The following MXRA8 variants were observed in gnomAD, a reference collection of about 807,000 sequenced individuals.
The protein encoded by MXRA8 is matrix remodeling-associated protein 8.
In MXRA8, 44 loss-of-function variants were observed where a neutral mutation model predicts 51.4. The observed-to-expected ratio is 0.86, with a 90% CI of 0.67 to 1.10. MXRA8 has a LOEUF of 1.10. Among genes scored for constraint, MXRA8 ranks in the 50% least tolerant of loss-of-function variants. The pLI is 0.00. For synonymous variants in MXRA8, 369 were observed against 293.5 expected (o/e 1.26, Z -2.63); for missense variants, 765 against 638.9 (o/e 1.20, Z -2.13).
Position 1,355,914 on chromosome 1 carries a change from G to A in MXRA8, c.74-162C>T, listed in dbSNP as rs541156351. On this transcript the variant is annotated intron_variant, in intron 2 of 9. Coordinates refer to ENST00000309212, the MANE Select transcript of MXRA8 (RefSeq NM_032348.4). ...GGTGGAGGGGAAGTCCGTGGGGTGG[G>A]GCAGACCCCCGAGGGCCTGGATAGG... 1.2e-4 allele frequency among the ~76,000 whole-genome samples: 15 copies of A among 128,336 alleles called. 1 individual carries two copies. The highest frequency in any genetic ancestry group is 3.9e-4 in the African/African-American group (13 of 33,488). 84.2% of individuals were successfully genotyped at this position (128,336 alleles called of 152,430 possible). A position where few individuals can be genotyped will look rare whatever the true frequency, so the allele number is the denominator to read the frequency against.
At chr1:1,354,620 G>C (rs1054314531) in intron 5 of MXRA8, 62 bp downstream of exon 5, 1 of 1,542,454 alleles carries the variant, frequency 6.5e-7, no homozygotes, top group Non-Finnish European at 8.7e-7. Flanking sequence ...GACAGCGGGC[G>C]CAGAGCAACC....
In MXRA8 at chr1:1,353,513, G is replaced by T. The variant is rs1162592056; in HGVS notation, c.*91C>A. 3 of 1,512,740 alleles carry T rather than the reference G, an allele frequency of 2.0e-6. No individual in the cohort carries two copies. Among genetic ancestry groups the T allele is most frequent in the South Asian group, 1.3e-5 (1 of 79,698 alleles). The allele number at this position is 1,512,740 out of a possible 1,614,324, so 93.7% of individuals were successfully genotyped here. On this transcript the variant is annotated 3_prime_UTR_variant, in exon 10 of 10. Coordinates refer to ENST00000309212, the MANE Select transcript of MXRA8 (RefSeq NM_032348.4). ...AGGAAAGCGGGACCAGCCGCTGGAA[G>T]GGGGGTGAGCCCCGGAGCATCAGGA...
chr1:1,352,843 CTA>C lies in MXRA8; in HGVS notation c.*759_*760del, dbSNP rs1350529403. ...ACAGAAGCCAAATGTAGCCCCAGCC[CTA>C]GACTCCAGCCCAGGCAGAGTCCAAG... On this transcript the variant is annotated 3_prime_UTR_variant, in exon 10 of 10. Transcript: ENST00000309212. 37 of 246,162 alleles carry C rather than the reference CTA, an allele frequency of 1.5e-4. No individual in the cohort carries two copies. The highest frequency in any genetic ancestry group is 4.0e-4 in the South Asian group (9 of 22,648). 15.2% of individuals were successfully genotyped at this position (246,162 alleles called of 1,614,324 possible).
chr1:1,355,562 C>T lies in MXRA8; in HGVS notation c.264G>A (p.Leu88=). The T allele has an allele frequency of 1.3e-6, 2 of 1,482,632 alleles. No individual in the cohort carries two copies. The highest frequency in any genetic ancestry group is 1.8e-6 in the Non-Finnish European group (2 of 1,124,486). 91.8% of individuals were successfully genotyped at this position (1,482,632 alleles called of 1,614,324 possible). The change falls in exon 3 of 10, where the codon CTG becomes CTA. Residue 88 remains leucine (L), a synonymous_variant. Transcript: ENST00000309212. Reference sequence around the variant, plus strand: ...GCTCGCCCGCCGAGTACAAGTCCAGCAGGCGCCGCGCGGGGCCACCCCCGG... The same window carrying T: ...GCTCGCCCGCCGAGTACAAGTCCAGTAGGCGCCGCGCGGGGCCACCCCCGG... ...RGPGGGPARR[L]LDLYSAGEQR... is the part of the protein sequence containing the mutation.
At chr1:1,355,205 CGAGGGGCGGGAGCT>C (rs766880423) in intron 4 of MXRA8, 25 bp downstream of exon 4, 35 of 1,007,642 alleles carry the variant, frequency 3.5e-5, no homozygotes, top group Non-Finnish European at 4.0e-5. Context: ...GGTCGAGGGT[CGAGGGGCGGGAGCT>C]GGGGGGCGGG....
At position 1,353,149 on chromosome 1, in the gene MXRA8, A is replaced by G. The variant is rs1479010184; in HGVS notation, c.*455T>C. On this transcript the variant is annotated 3_prime_UTR_variant, in exon 10 of 10. Coordinates refer to ENST00000309212, the MANE Select transcript of MXRA8 (RefSeq NM_032348.4). ...TCCTGCCGAGGCTGACCCCAACTTCAAGGCTGCCAAGTTCTGATGGGAGTG... is the reference window on the plus strand; with the variant it reads ...TCCTGCCGAGGCTGACCCCAACTTCGAGGCTGCCAAGTTCTGATGGGAGTG... The G allele has an allele frequency of 1.1e-6, 1 of 897,298 alleles. No homozygotes were observed. The highest frequency in any genetic ancestry group is 1.7e-5 in the African/African-American group (1 of 59,704). 55.6% of individuals were successfully genotyped at this position (897,298 alleles called of 1,614,324 possible).
intron 1 of MXRA8, 71 bp downstream of exon 1, chr1:1,358,385 G>A (rs1644174690): frequency 4.0e-6 from 6 of 1,518,168 alleles, no homozygotes; most frequent in Non-Finnish European, 5.4e-6. Context: ...CAGATGGGCG[G>A]TTTTGTCCGA....
Position 1,354,390 on chromosome 1 carries a change from CCAGTAG to C in MXRA8, c.1063_1068del (p.Leu355_Leu356del), listed in dbSNP as rs1557681494. 6.2e-7 allele frequency: 1 copy of C among 1,612,282 alleles called. No individual in the cohort carries two copies. Among genetic ancestry groups the C allele is most frequent in the Non-Finnish European group, 8.5e-7 (1 of 1,179,818 alleles). ...CTGCGGGCGGCCAGGAGGACAGTGA[CCAGTAG>C]CAGGATGAAGAGCAGCAGCGTGGCC... On this transcript the variant is annotated inframe_deletion, in exon 6 of 10. Coordinates refer to ENST00000309212, the MANE Select transcript of MXRA8 (RefSeq NM_032348.4).
upstream of MXRA8, chr1:1,358,786 C>G (rs925711698): frequency 5.0e-6 from 6 of 1,200,456 alleles, no homozygotes; most frequent in Non-Finnish European, 6.3e-6. Flanking sequence ...CAAGAAGGTC[C>G]GAGGACATGG....
At chr1:1,353,990 G>A (rs773460050) in intron 8 of MXRA8, 40 bp downstream of exon 8, 35 of 1,246,824 alleles carry the variant, frequency 2.8e-5, no homozygotes, top group Non-Finnish European at 3.2e-5. Flanking sequence ...CCCGGGACTG[G>A]GAGCCGCGCC....
At chr1:1,360,753 C>T (rs371166495), upstream of MXRA8, among the ~76,000 whole-genome samples, 16 of 152,232 alleles carry the variant, frequency 1.1e-4, no homozygotes, top group African/African-American at 1.2e-4. Context: ...CCTGGTGACT[C>T]GGACATTCCA....
At chr1:1,354,541 G>C (rs991380310) in intron 5 of MXRA8, 32 bp from the exon 6 acceptor site, 1 of 1,605,656 alleles carries the variant, frequency 6.2e-7, no homozygotes, top group Admixed American at 1.7e-5. Context: ...GGCGGCGTCA[G>C]GTACCAGCAA....
Position 1,354,948 on chromosome 1 carries a change from G to A in MXRA8, c.683C>T (p.Ser228Leu), listed in dbSNP as rs1644090368. The A allele has an allele frequency of 7.5e-6, 12 of 1,600,626 alleles. No homozygotes were observed. The highest frequency in any genetic ancestry group is 1.3e-5 in the African/African-American group (1 of 74,768). ...GGGCCCGTAGGCGCGGCGCTCGCCC[G>A]ACGCGTAGAGGTCCAGCAGGCGGTC... ...RADRLLDLYA[S>L]GERRAYGPLF... The change falls in exon 5 of 10, where the codon TCG (serine) becomes TTG (leucine). Residue 228 changes from serine to leucine, a missense_variant. Coordinates refer to ENST00000309212, the MANE Select transcript of MXRA8 (RefSeq NM_032348.4).
intron 1 of MXRA8, 72 bp downstream of exon 1, chr1:1,358,384 G>C (rs34841888): frequency 0.72 from 1,071,205 of 1,497,688 alleles, 418,631 homozygotes; most frequent in Non-Finnish European, 0.81. Flanking sequence ...TCAGATGGGC[G>C]GTTTTGTCCG....
At chr1:1,362,024 C>T (rs931121014), upstream of MXRA8, among the ~76,000 whole-genome samples, 7 of 152,216 alleles carry the variant, frequency 4.6e-5, no homozygotes, top group African/African-American at 1.7e-4. Context: ...TGTGTTAATC[C>T]GTTATAGCCG....
Position 1,355,096 on chromosome 1 carries a change from C to A in MXRA8, c.535G>T (p.Gly179Cys). 6.5e-7 allele frequency: 1 copy of A among 1,538,446 alleles called. No homozygotes were observed. ...GEKEVLAVARGAPALLTCVNR... is the reference protein window; with the variant it reads ...GEKEVLAVARCAPALLTCVNR... The stretch of plus-strand genomic sequence containing the variant: ...ACGCAGGTCAGAAGCGCGGGTGCGC[C>A]GCGCGCCACCGCCAGCACCTCCTTC... The change falls in exon 5 of 10, where the codon GGC (glycine) becomes TGC (cysteine). Residue 179 changes from glycine (G) to cysteine (C), a missense_variant. Gly to Cys is a radical substitution (Grantham distance 159, BLOSUM62 -3). Coordinates refer to ENST00000309212, the MANE Select transcript of MXRA8 (RefSeq NM_032348.4).
intron 2 of MXRA8, among the ~76,000 whole-genome samples, chr1:1,356,225 C>G (rs1284361148): frequency 7.9e-5 from 1 of 12,732 alleles, no homozygotes; most frequent in African/African-American, 3.7e-4. Context: ...AGGGCCCTGG[C>G]AGGGGAGGGG....
chr1:1,360,944 A>G (rs1022885371), upstream of MXRA8, among the ~76,000 whole-genome samples: 2 of 151,594 alleles, frequency 1.3e-5, no homozygotes. Context: ...ACAGACACGC[A>G]TGCACATGAA....
chr1:1,355,694 C>A lies in MXRA8; in HGVS notation c.132G>T (p.Trp44Cys). The stretch of plus-strand genomic sequence containing the variant: ...GCAGCACCGCCCGGGCGCCCGCCTC[C>A]CAGCTCACCGCGGACTCGGACACCA... ...SSVVSESAVS[W>C]EAGARAVLRC... is the part of the protein sequence containing the mutation. Residue 44 changes from tryptophan to cysteine, a missense_variant, in exon 3 of 10, where the codon TGG becomes TGT. Transcript: ENST00000309212. 1 of 1,344,550 alleles carries A rather than the reference C, an allele frequency of 7.4e-7. No individual in the cohort carries two copies. The highest frequency in any genetic ancestry group is 9.5e-7 in the Non-Finnish European group (1 of 1,054,180). The allele number at this position is 1,344,550 out of a possible 1,614,324, so 83.3% of individuals were successfully genotyped here.
Sources: gnomAD v4.1 joint callset for allele counts (sites outside exome capture counted in the v4.1 genomes callset) on GRCh38, gnomAD v4.1.1 for gene constraint, MANE v1.5 for transcripts, NCBI Gene and HGNC (gene_info 2026-07-23, HGNC 2026-07-21) for gene names.